Variants in SMYD3 observed in about 807,000 individuals in gnomAD.
SMYD3 encodes SET and MYND domain containing 3.
SMYD3 carries 36 observed loss-of-function variants against 57.7 expected under a neutral mutation model. The ratio of observed to expected loss-of-function variants is 0.62; its 90% CI spans 0.48 to 0.82. SMYD3 has a LOEUF of 0.82. Among genes scored for constraint, SMYD3 ranks in the 40% least tolerant of loss-of-function variants. The probability of loss-of-function intolerance (pLI) is 0.00; values close to 1 mark genes in which losing one functional copy is unlikely to be tolerated. For synonymous variants in SMYD3, 211 were observed against 195.0 expected (o/e 1.08, Z -0.68); for missense variants, 515 against 538.8 (o/e 0.96, Z 0.44).
intron 7 of SMYD3, among the ~76,000 whole-genome samples, chr1:245,918,243 C>T (rs991289840): frequency 1.4e-4 from 22 of 152,124 alleles, no homozygotes; most frequent in African/African-American, 3.9e-4. Context: ...CTGTTTGTGG[C>T]GAGGCAGCAT....
At chr1:246,238,757 A>G (rs10924592) in intron 5 of SMYD3, among the ~76,000 whole-genome samples, 12,883 of 152,188 alleles carry the variant, frequency 0.085, 730 homozygotes, top group East Asian at 0.21. Context: ...ATTATTTCAT[A>G]TAAGAAGCCT....
At chr1:245,913,030 A>G (rs559034726) in intron 8 of SMYD3, among the ~76,000 whole-genome samples, 26 of 152,362 alleles carry the variant, frequency 1.7e-4, no homozygotes, top group Non-Finnish European at 3.2e-4. Flanking sequence ...CCAAAGGATT[A>G]TAAGTCATGC....
In SMYD3 at chr1:246,395,703, T is replaced by A. The variant is rs1375596344; in HGVS notation, c.165-40609A>T. On this transcript the variant is annotated intron_variant, in intron 1 of 11. Coordinates refer to ENST00000490107, the MANE Select transcript of SMYD3 (RefSeq NM_001167740.2). ...ACAGGGAAGACGAACCCACCATGGC[T>A]GGACAGGGAAGACGAACACACCAGT... 5.1e-4 allele frequency among the ~76,000 whole-genome samples: 18 copies of A among 35,194 alleles called. 1 individual carries two copies. In the South Asian group the frequency reaches 8.5e-3, roughly 17 times the overall value. The allele number at this position is 35,194 out of a possible 152,430, so 23.1% of individuals were successfully genotyped here.
chr1:246,442,341 G>A (rs919368840), intron 1 of SMYD3, among the ~76,000 whole-genome samples: 6 of 152,182 alleles, frequency 3.9e-5, no homozygotes, highest in Admixed American at 1.3e-4. Flanking sequence ...CTGAGGTCAC[G>A]AGTTCAAGAC....
rs1182642267 is a variant in SMYD3, at chr1:246,506,989, G to GC, written c.164+64dup. Reference sequence around the variant, plus strand: ...GTCCCGCGGCTGCCGGCCGCCCGACGCCCCCCCCTCCCCAGCACCCCACAC... The same window carrying GC: ...GTCCCGCGGCTGCCGGCCGCCCGACGCCCCCCCCCTCCCCAGCACCCCACAC... On this transcript the variant is annotated intron_variant, in intron 1 of 11. Coordinates refer to ENST00000490107, the MANE Select transcript of SMYD3 (RefSeq NM_001167740.2). The GC allele has an allele frequency of 4.7e-3, 3,030 of 649,048 alleles. 93 individuals carry two copies. In the African/African-American group the frequency reaches 0.08, roughly 17 times the overall value. 40.2% of individuals were successfully genotyped at this position (649,048 alleles called of 1,614,324 possible).
At chr1:245,893,708 G>A (rs148240956) in intron 8 of SMYD3, among the ~76,000 whole-genome samples, 59 of 152,100 alleles carry the variant, frequency 3.9e-4, no homozygotes, top group Middle Eastern at 3.4e-3. Context: ...TGGATACAAC[G>A]CAGTACGAAG....
chr1:246,401,720 T>G (rs1282772831), intron 1 of SMYD3, among the ~76,000 whole-genome samples: 1 of 84,628 alleles, frequency 1.2e-5, no homozygotes, highest in Admixed American at 1.8e-4. Flanking sequence ...TCCCAGTAAT[T>G]CAGGTGCTTT....
At chr1:246,460,962 GTATC>G (rs2067788658) in intron 1 of SMYD3, among the ~76,000 whole-genome samples, 1 of 152,166 alleles carries the variant, frequency 6.6e-6, no homozygotes, top group African/African-American at 2.4e-5. Flanking sequence ...CATCATAAGA[GTATC>G]TATCAGCTAC....
At chr1:245,833,931 C>G (rs1446974362) in intron 10 of SMYD3, among the ~76,000 whole-genome samples, 1 of 152,224 alleles carries the variant, frequency 6.6e-6, no homozygotes, top group East Asian at 1.9e-4. Context: ...CCAAAGTTTA[C>G]TCTAATTTTA....
intron 5 of SMYD3, among the ~76,000 whole-genome samples, chr1:246,195,225 T>C (rs574289985): frequency 1.3e-5 from 2 of 152,236 alleles, no homozygotes; most frequent in Non-Finnish European, 2.9e-5. Flanking sequence ...CCAGGAAATA[T>C]AAAAAACTTG....
At chr1:245,813,663 G>A (rs1281798012) in intron 10 of SMYD3, among the ~76,000 whole-genome samples, 2 of 152,184 alleles carry the variant, frequency 1.3e-5, no homozygotes, top group Admixed American at 6.5e-5. Flanking sequence ...GCATGTCAAA[G>A]GGTTTACTGT....
At chr1:245,848,992 C>CT (rs2050813473) in intron 10 of SMYD3, among the ~76,000 whole-genome samples, 2 of 152,124 alleles carry the variant, frequency 1.3e-5, no homozygotes, top group African/African-American at 4.8e-5. Flanking sequence ...GTATCTAAAA[C>CT]ATTAGAGTTC....
intron 10 of SMYD3, among the ~76,000 whole-genome samples, chr1:245,818,431 T>G (rs1400794133): frequency 4.6e-5 from 7 of 152,170 alleles, no homozygotes; most frequent in Non-Finnish European, 2.9e-5. Flanking sequence ...TACCAGCCAC[T>G]GCAAAATCAT....
chr1:246,507,262 G>A lies in SMYD3; in HGVS notation c.-45C>T. 4 of 1,453,362 alleles carry A rather than the reference G, an allele frequency of 2.8e-6. No homozygotes were observed. Among genetic ancestry groups the A allele is most frequent in the Non-Finnish European group, 3.6e-6 (4 of 1,096,324 alleles). 90.0% of individuals were successfully genotyped at this position (1,453,362 alleles called of 1,614,324 possible). ...CTCAGACGGCTACCCGCGTCCAGCA[G>A]CGGGCGTCTCACGGGCTGCCGGGAC... On this transcript the variant is annotated 5_prime_UTR_variant, in exon 1 of 12. Transcript: ENST00000490107.
chr1:246,247,316 A>G (rs1334708389), intron 5 of SMYD3, among the ~76,000 whole-genome samples: 1 of 143,710 alleles, frequency 7.0e-6, no homozygotes, highest in African/African-American at 2.6e-5. Flanking sequence ...AAATGCTAAA[A>G]TCTCAAGTTC....
chr1:246,315,705 G>A (rs2065144797), intron 5 of SMYD3, among the ~76,000 whole-genome samples: 1 of 152,130 alleles, frequency 6.6e-6, no homozygotes, highest in South Asian at 2.1e-4. Flanking sequence ...TTTGTAAATA[G>A]ACATTTATTT....
chr1:245,761,450 A>G (rs568342331), intron 11 of SMYD3, among the ~76,000 whole-genome samples: 13 of 152,294 alleles, frequency 8.5e-5, no homozygotes, highest in African/African-American at 3.1e-4. Flanking sequence ...CTGAAAATCC[A>G]TAGCGAGATG....
intron 5 of SMYD3, among the ~76,000 whole-genome samples, chr1:246,278,320 A>G (rs1186342343): frequency 6.6e-6 from 1 of 151,234 alleles, no homozygotes; most frequent in Non-Finnish European, 1.5e-5. Flanking sequence ...TGGGGTGTGC[A>G]GGCCTTTGTA....
intron 5 of SMYD3, among the ~76,000 whole-genome samples, chr1:246,041,531 T>C (rs1039366665): frequency 6.6e-6 from 1 of 152,252 alleles, no homozygotes; most frequent in Non-Finnish European, 1.5e-5. Context: ...TGTGTGTGTG[T>C]GCCTGGGCAT....
Sources: gnomAD v4.1 joint callset for allele counts (sites outside exome capture counted in the v4.1 genomes callset) on GRCh38, gnomAD v4.1.1 for gene constraint, MANE v1.5 for transcripts, NCBI Gene and HGNC (gene_info 2026-07-23, HGNC 2026-07-21) for gene names.